The following NDUFS4 variants were observed in gnomAD, a reference collection of about 807,000 sequenced individuals.
The protein encoded by NDUFS4 is NADH:ubiquinone oxidoreductase subunit S4.
In NDUFS4, 28 loss-of-function variants were observed where a neutral mutation model predicts 24.3. That is an observed-to-expected ratio of 1.15 (90% confidence interval 0.85 to 1.58). The LOEUF (loss-of-function observed/expected upper bound fraction) is 1.58, where lower values mean the gene tolerates loss of function less well. NDUFS4 is among the 40% of genes most tolerant of loss of function. The probability of loss-of-function intolerance (pLI) is 0.00; values close to 1 mark genes in which losing one functional copy is unlikely to be tolerated. For missense variants in NDUFS4, 223 were observed against 207.9 expected (o/e 1.07, Z -0.45); for synonymous variants, 93 against 69.7 (o/e 1.34, Z -1.67).
chr5:53,648,774 G>A (rs1260661622), intron 3 of NDUFS4, among the ~76,000 whole-genome samples: 1 of 152,090 alleles, frequency 6.6e-6, no homozygotes, highest in Non-Finnish European at 1.5e-5. Flanking sequence ...AAAATTTTCT[G>A]GCCCCCCAAA....
At chr5:53,679,610 G>A (rs1005928414) in intron 4 of NDUFS4, among the ~76,000 whole-genome samples, 13 of 152,282 alleles carry the variant, frequency 8.5e-5, no homozygotes, top group Middle Eastern at 3.4e-3. Context: ...AACTGTGTCT[G>A]AGATCTGATG....
chr5:53,573,474 T>C (rs1749282018), intron 1 of NDUFS4: 1 of 346,394 alleles, frequency 2.9e-6, no homozygotes, highest in Non-Finnish European at 5.6e-6. Context: ...ATTTATCTAA[T>C]CAGTGTTGTA....
At position 53,658,627 on chromosome 5, in the gene NDUFS4, A is replaced by ATG. The variant is rs1561391249; in HGVS notation, c.424+5_424+6dup. The ATG allele has an allele frequency of 6.2e-7, 1 of 1,605,698 alleles. No homozygotes were observed. Among genetic ancestry groups the ATG allele is most frequent in the Admixed American group, 1.7e-5 (1 of 59,552 alleles). On this transcript the variant is annotated splice_donor_region_variant and intron_variant, in intron 4 of 4. Coordinates refer to ENST00000296684, the MANE Select transcript of NDUFS4 (RefSeq NM_002495.4). ...AGTTTCCTTTGCAGAAAAAAATGGT[A>ATG]TGTTTGGTCTGTTTTTGACAAAGTC... is the stretch of plus-strand genomic sequence containing the variant.
At chr5:53,632,344 A>T (rs989441641) in intron 2 of NDUFS4, among the ~76,000 whole-genome samples, 8 of 152,218 alleles carry the variant, frequency 5.3e-5, no homozygotes, top group African/African-American at 1.9e-4. Flanking sequence ...GGGCAGTCAT[A>T]GAGTTGCTCT....
At chr5:53,597,588 GT>G in intron 1 of NDUFS4, among the ~76,000 whole-genome samples, 1 of 152,260 alleles carries the variant, frequency 6.6e-6, no homozygotes, top group South Asian at 2.1e-4. Flanking sequence ...AATCTTCACT[GT>G]TTAAGACTTT....
At chr5:53,584,278 A>T (rs1431821578) in intron 1 of NDUFS4, among the ~76,000 whole-genome samples, 1 of 152,242 alleles carries the variant, frequency 6.6e-6, no homozygotes, top group African/African-American at 2.4e-5. Context: ...ATTTCATAGT[A>T]GATGTTTGGT....
intron 2 of NDUFS4, among the ~76,000 whole-genome samples, chr5:53,607,984 A>G (rs1263309283): frequency 6.6e-6 from 1 of 152,102 alleles, no homozygotes; most frequent in Non-Finnish European, 1.5e-5. Context: ...CATTAAATTT[A>G]TATTGTTTTC....
rs545773384 is a variant in NDUFS4 at position 53,586,119 on chromosome 5, A to G, written c.99-17333A>G. On this transcript the variant is annotated intron_variant, in intron 1 of 4. Coordinates refer to ENST00000296684, the MANE Select transcript of NDUFS4 (RefSeq NM_002495.4). ...CGAGGCAGGTGGATCACTTGAGGTC[A>G]GGAGTTCCAGACCAGCCTGACTAAC... Among the ~76,000 whole-genome samples the G allele has an allele frequency of 2.6e-5, 4 of 152,202 alleles. No individual in the cohort carries two copies. In the East Asian group the frequency reaches 5.8e-4, roughly 22 times the overall value.
In NDUFS4 at chr5:53,646,406, G is replaced by A. The variant is rs1260453815; in HGVS notation, c.350+1G>A. 8.7e-6 allele frequency: 14 copies of A among 1,613,078 alleles called. No individual in the cohort carries two copies. The highest frequency in any genetic ancestry group is 3.3e-5 in the Admixed American group (2 of 60,012). ...ATCCTTTGATGGGTTGGGCATCAACGTGAGTACTTTATTTTAATGTGAATA... is the reference window on the plus strand; with the variant it reads ...ATCCTTTGATGGGTTGGGCATCAACATGAGTACTTTATTTTAATGTGAATA... On this transcript the variant is annotated splice_donor_variant, in intron 3 of 4. Coordinates refer to ENST00000296684, the MANE Select transcript of NDUFS4 (RefSeq NM_002495.4). LOFTEE classifies it high-confidence loss of function.
chr5:53,568,822 A>G (rs1271385165), intron 1 of NDUFS4, among the ~76,000 whole-genome samples: 1 of 152,200 alleles, frequency 6.6e-6, no homozygotes, highest in South Asian at 2.1e-4. Flanking sequence ...AATCGTTTCA[A>G]ATGTTGAGAG....
At chr5:53,646,098 T>C in intron 2 of NDUFS4, 135 bp from the exon 3 acceptor site, 1 of 756,784 alleles carries the variant, frequency 1.3e-6, no homozygotes. Flanking sequence ...AGAATGGTAG[T>C]GAAATAAGCC....
At position 53,585,307 on chromosome 5, in the gene NDUFS4, G is replaced by A. The variant is rs150748564; in HGVS notation, c.99-18145G>A. On this transcript the variant is annotated intron_variant, in intron 1 of 4. Coordinates refer to ENST00000296684, the MANE Select transcript of NDUFS4 (RefSeq NM_002495.4). The stretch of plus-strand genomic sequence containing the variant: ...AGTGGGAGTTTTAATTACTTGTTCT[G>A]TTCTAGTAGTCTGCAGTTTTATTGA... 2.4e-3 allele frequency among the ~76,000 whole-genome samples: 366 copies of A among 152,170 alleles called. 2 individuals carry two copies. Among genetic ancestry groups the A allele is most frequent in the African/African-American group, 8.5e-3 (351 of 41,506 alleles).
At chr5:53,661,098 T>C (rs1376776080) in intron 4 of NDUFS4, among the ~76,000 whole-genome samples, 3 of 152,230 alleles carry the variant, frequency 2.0e-5, no homozygotes, top group Admixed American at 1.3e-4. Context: ...TGAATGGTAT[T>C]GCCTAGGTTT....
chr5:53,604,928 A>G lies in NDUFS4; in HGVS notation c.177+1398A>G, dbSNP rs148751555. The stretch of plus-strand genomic sequence containing the variant: ...AACACCACTTGCTTAGTCAAGTATA[A>G]AAGAAATGAGGGGCAGGGCATGGTG... On this transcript the variant is annotated intron_variant, in intron 2 of 4. Coordinates refer to ENST00000296684, the MANE Select transcript of NDUFS4 (RefSeq NM_002495.4). 1.2e-3 allele frequency: 556 copies of G among 455,012 alleles called. 2 individuals carry two copies. Among genetic ancestry groups the G allele is most frequent in the African/African-American group, 0.011 (528 of 50,172 alleles). The allele number at this position is 455,012 out of a possible 1,614,324, so 28.2% of individuals were successfully genotyped here.
chr5:53,597,876 A>G lies in NDUFS4; in HGVS notation c.99-5576A>G, dbSNP rs551988521. Among the ~76,000 whole-genome samples, 10 of 152,348 alleles carry G rather than the reference A, an allele frequency of 6.6e-5. No homozygotes were observed. The East Asian group carries it at 1.5e-3, about 23-fold the overall frequency. On this transcript the variant is annotated intron_variant, in intron 1 of 4. Coordinates refer to ENST00000296684, the MANE Select transcript of NDUFS4 (RefSeq NM_002495.4). ...GTATCTCATAAAGAACTATATCTAC[A>G]GTTAACAAATAATTCTTAAAATTCA...
chr5:53,613,114 G>A (rs1448606763), intron 2 of NDUFS4, among the ~76,000 whole-genome samples: 1 of 151,978 alleles, frequency 6.6e-6, no homozygotes, highest in African/African-American at 2.4e-5. Flanking sequence ...CCCTCTAAGG[G>A]GTCAGTTTTC....
chr5:53,643,580 A>C (rs1751762703), intron 2 of NDUFS4, among the ~76,000 whole-genome samples: 3 of 152,108 alleles, frequency 2.0e-5, no homozygotes, highest in Admixed American at 1.3e-4. Flanking sequence ...GCCCATTGAA[A>C]TGTGCTTAAA....
intron 2 of NDUFS4, among the ~76,000 whole-genome samples, chr5:53,632,868 T>C (rs1038065065): frequency 6.6e-6 from 1 of 152,214 alleles, no homozygotes. Context: ...GACAATTCTT[T>C]TGCAACAGTG....
intron 2 of NDUFS4, among the ~76,000 whole-genome samples, chr5:53,636,126 C>T (rs1751545066): frequency 6.6e-6 from 1 of 152,130 alleles, no homozygotes; most frequent in Non-Finnish European, 1.5e-5. Flanking sequence ...TCAAGCAGTC[C>T]TCCCACTTCA....
Sources: gnomAD v4.1 joint callset for allele counts (sites outside exome capture counted in the v4.1 genomes callset) on GRCh38, gnomAD v4.1.1 for gene constraint, MANE v1.5 for transcripts, NCBI Gene and HGNC (gene_info 2026-07-23, HGNC 2026-07-21) for gene names.